Variants in PRELID2 observed in about 807,000 individuals in gnomAD.
The protein encoded by PRELID2 is PRELI domain-containing protein 2.
PRELID2 carries 25 observed loss-of-function variants against 28.4 expected under a neutral mutation model. The observed-to-expected ratio is 0.88, with a 90% CI of 0.64 to 1.23. The LOEUF is 1.23. PRELID2 is among the 50% of genes most tolerant of loss of function. The pLI is 0.00. For synonymous variants in PRELID2, 76 were observed against 71.6 expected (o/e 1.06, Z -0.31); for missense variants, 201 against 214.4 (o/e 0.94, Z 0.39).
At chr5:145,253,196 C>G in the PRELID2 span, among the ~76,000 whole-genome samples, 4 of 151,942 alleles carry the variant, frequency 2.6e-5, no homozygotes, top group African/African-American at 9.7e-5. Context: ...TGTAGGATTC[C>G]CAGAGAGATG....
chr5:145,284,318 A>G, the PRELID2 span, among the ~76,000 whole-genome samples: 1 of 152,128 alleles, frequency 6.6e-6, no homozygotes, highest in Non-Finnish European at 1.5e-5. Context: ...ATCTAGGTTC[A>G]GTAGAGAAAA....
intron 4 of PRELID2, among the ~76,000 whole-genome samples, chr5:145,799,043 A>C (rs760612609): frequency 6.2e-5 from 9 of 144,258 alleles, no homozygotes; most frequent in Admixed American, 1.4e-4. Context: ...TATATATATA[A>C]AAGACTCACA....
chr5:145,808,128 G>A (rs1753653460), intron 4 of PRELID2, among the ~76,000 whole-genome samples: 1 of 152,136 alleles, frequency 6.6e-6, no homozygotes, highest in Non-Finnish European at 1.5e-5. Context: ...TGAGCAGAGG[G>A]AGTCATGTTT....
chr5:145,586,016 A>C (rs904757801), intron 1 of PRELID2, among the ~76,000 whole-genome samples: 2 of 150,616 alleles, frequency 1.3e-5, no homozygotes, highest in African/African-American at 4.9e-5. Flanking sequence ...TTTCGAGTCT[A>C]TTGTTCCAGG....
Position 145,818,109 on chromosome 5 carries a change from T to C in PRELID2, c.208-55A>G, listed in dbSNP as rs1754502488. 3.8e-6 allele frequency: 6 copies of C among 1,561,204 alleles called. No homozygotes were observed. The East Asian group carries it at 1.4e-4, about 36-fold the overall frequency. ...AATTTAGGAAGAGCAGGCAACATAA[T>C]GACTGCATCCAGAGTTACTCTCAGT... On this transcript the variant is annotated intron_variant, in intron 3 of 6. Transcript: ENST00000683046.
chr5:145,321,559 G>A, the PRELID2 span, among the ~76,000 whole-genome samples: 3 of 152,144 alleles, frequency 2.0e-5, no homozygotes, highest in Non-Finnish European at 4.4e-5. Flanking sequence ...ACTGGCAGAC[G>A]CCCCTTAAAA....
intron 1 of PRELID2, among the ~76,000 whole-genome samples, chr5:145,494,495 A>G (rs1357808659): frequency 6.6e-6 from 1 of 152,200 alleles, no homozygotes; most frequent in Admixed American, 6.6e-5. Context: ...ATGAAAAGCC[A>G]TCCTATAGAT....
At chr5:145,614,142 T>C (rs2149647142) in intron 1 of PRELID2, among the ~76,000 whole-genome samples, 1 of 152,324 alleles carries the variant, frequency 6.6e-6, no homozygotes, top group South Asian at 2.1e-4. Context: ...TATTTGGGTT[T>C]ATTTCTGGGT....
At chr5:145,581,386 T>C (rs1753106121) in intron 1 of PRELID2, among the ~76,000 whole-genome samples, 1 of 152,124 alleles carries the variant, frequency 6.6e-6, no homozygotes, top group African/African-American at 2.4e-5. Context: ...ATGTCTGGTA[T>C]TGCGCAGACA....
At chr5:145,295,456 A>C in the PRELID2 span, among the ~76,000 whole-genome samples, 4 of 152,174 alleles carry the variant, frequency 2.6e-5, no homozygotes, top group Admixed American at 6.6e-5. Flanking sequence ...GTGGTGGTTG[A>C]AGTAAAGCCT....
At chr5:145,599,405 A>G (rs1753356493) in intron 1 of PRELID2, among the ~76,000 whole-genome samples, 1 of 146,116 alleles carries the variant, frequency 6.8e-6, no homozygotes, top group Non-Finnish European at 1.5e-5. Context: ...GGAGGCTTGG[A>G]AAGCCTTAGA....
chr5:145,254,494 T>C, the PRELID2 span, among the ~76,000 whole-genome samples: 76 of 152,148 alleles, frequency 5.0e-4, no homozygotes, highest in Middle Eastern at 3.4e-3. Context: ...AGAGAGAAGA[T>C]AGAAGAGCAA....
At chr5:145,796,199 G>T in intron 5 of PRELID2, 1 of 321,822 alleles carries the variant, frequency 3.1e-6, no homozygotes, top group Non-Finnish European at 5.7e-6. Context: ...TTATAAGTAT[G>T]CTCCAAATTT....
intron 1 of PRELID2, among the ~76,000 whole-genome samples, chr5:145,543,816 C>T (rs1752764437): frequency 6.6e-6 from 1 of 151,964 alleles, no homozygotes; most frequent in South Asian, 2.1e-4. Context: ...AGAAACTGGG[C>T]TCTAAGGCTT....
chr5:145,560,972 C>T (rs1357672514), intron 1 of PRELID2, among the ~76,000 whole-genome samples: 2 of 151,962 alleles, frequency 1.3e-5, no homozygotes, highest in African/African-American at 4.8e-5. Flanking sequence ...GACGTTGAAC[C>T]ACTCATTTGG....
the PRELID2 span, among the ~76,000 whole-genome samples, chr5:145,365,974 C>T: frequency 6.6e-6 from 1 of 151,760 alleles, no homozygotes; most frequent in Non-Finnish European, 1.5e-5. Flanking sequence ...TCTAGACATC[C>T]TGGCAAAAAT....
At chr5:145,610,168 C>T (rs1227300239) in intron 1 of PRELID2, among the ~76,000 whole-genome samples, 1 of 152,134 alleles carries the variant, frequency 6.6e-6, no homozygotes, top group Non-Finnish European at 1.5e-5. Context: ...GGGTGTGAAT[C>T]CCCTGGGGGG....
At chr5:145,538,776 G>C (rs1442992301) in intron 1 of PRELID2, among the ~76,000 whole-genome samples, 2 of 151,922 alleles carry the variant, frequency 1.3e-5, no homozygotes, top group Non-Finnish European at 2.9e-5. Context: ...AGACAGAGGA[G>C]TGCTTCAAGC....
the PRELID2 span, among the ~76,000 whole-genome samples, chr5:145,235,406 G>T: frequency 1.1e-4 from 16 of 152,216 alleles, no homozygotes; most frequent in African/African-American, 3.9e-4. Context: ...AAGTACATTT[G>T]CTCCTTCAGT....
Sources: allele counts gnomAD v4.1 joint callset (sites outside exome capture counted in the v4.1 genomes callset), GRCh38; gene constraint gnomAD v4.1.1; transcripts MANE v1.5; gene names NCBI Gene and HGNC (gene_info 2026-07-23, HGNC 2026-07-21).